The following DET1 variants were observed in gnomAD, a reference collection of about 807,000 sequenced individuals.
DET1 encodes the protein DET1 partner of COP1 E3 ubiquitin ligase, also known as DET1 homolog.
Under a neutral mutation model 43.7 loss-of-function variants are expected in DET1, and 22 were observed. The ratio of observed to expected loss-of-function variants is 0.50; its 90% CI spans 0.36 to 0.72. The LOEUF is 0.72. Ranked by LOEUF, DET1 falls within the 30% of genes least tolerant of loss-of-function variation. The pLI, the probability that DET1 is intolerant of heterozygous loss-of-function variation, is 0.00. For missense variants in DET1, 713 were observed against 713.3 expected (o/e 1.00, Z 0.00); for synonymous variants, 315 against 266.2 (o/e 1.18, Z -1.79).
intron 3 of DET1, among the ~76,000 whole-genome samples, chr15:88,520,712 C>T (rs1353040605): frequency 6.6e-6 from 1 of 152,206 alleles, no homozygotes. Flanking sequence ...AATATAATTA[C>T]TTACTATTCC....
intron 1 of DET1, among the ~76,000 whole-genome samples, chr15:88,537,951 CT>C (rs2056995876): frequency 6.6e-6 from 1 of 152,194 alleles, no homozygotes; most frequent in East Asian, 1.9e-4. Flanking sequence ...TGTATTTACA[CT>C]TTCACTTGCA....
chr15:88,510,076 C>T (rs1157054576), downstream of DET1, among the ~76,000 whole-genome samples: 1 of 152,180 alleles, frequency 6.6e-6, no homozygotes, highest in Non-Finnish European at 1.5e-5. Flanking sequence ...TATCCTTATC[C>T]TAACCTGAGT....
rs1037133559 is a variant in DET1 at position 88,513,034 on chromosome 15, G to A, written c.1570C>T (p.Pro524Ser). The change falls in exon 5 of 5, where the codon CCT (proline) becomes TCT (serine). Residue 524 changes from proline (P) to serine (S), a missense_variant. By Grantham distance (74) the Pro-to-Ser change is moderately conservative (BLOSUM62 -1). Coordinates refer to ENST00000268148, the MANE Select transcript of DET1 (RefSeq NM_001144074.3). ...VRRLVAFTFH[P>S]FEPFAISVQR... is the part of the protein sequence containing the mutation. ...ACAGAAATAGCGAAAGGCTCAAAAG[G>A]GTGAAAGGTGAAGGCAACAAGGCGT... 1.2e-6 allele frequency: 2 copies of A among 1,614,054 alleles called. No individual in the cohort carries two copies. The highest frequency in any genetic ancestry group is 1.7e-6 in the Non-Finnish European group (2 of 1,179,898).
chr15:88,522,906 G>C (rs569739453), intron 3 of DET1, among the ~76,000 whole-genome samples: 1 of 148,098 alleles, frequency 6.8e-6, no homozygotes, highest in Non-Finnish European at 1.5e-5. Flanking sequence ...TTTTGAGATA[G>C]GGTCTTACTT....
chr15:88,531,447 A>T lies in DET1; in HGVS notation c.259T>A (p.Tyr87Asn), dbSNP rs1421652035. The change falls in exon 2 of 5, where the codon TAC (tyrosine) becomes AAC (asparagine). Residue 87 changes from tyrosine (Y) to asparagine (N), a missense_variant. Tyr to Asn is a moderately radical substitution (Grantham distance 143). Transcript: ENST00000268148. The surrounding 1 kb of genome is among the most constrained non-coding windows in gnomAD (Gnocchi z 6.2). ...TCCTCTGCTGCCTGGCAGCCCTGGT[A>T]CTCATAGATTTCAAGAGATGTCTGG... ...SDQTSLEIYE[Y>N]QGCQAAEDLL... 2 of 1,613,950 alleles carry T rather than the reference A, an allele frequency of 1.2e-6. No homozygotes were observed. Among genetic ancestry groups the T allele is most frequent in the Non-Finnish European group, 1.7e-6 (2 of 1,179,882 alleles).
Position 88,536,438 on chromosome 15 carries a change from C to G in DET1, c.-10-4723G>C, listed in dbSNP as rs997788638. ...TATGTTAAAATAATTAATGGAGCAACAATTGGTATGAGCCTTGAAGAATAA... is the reference window on the plus strand; with the variant it reads ...TATGTTAAAATAATTAATGGAGCAAGAATTGGTATGAGCCTTGAAGAATAA... On this transcript the variant is annotated intron_variant, in intron 1 of 4. Coordinates refer to ENST00000268148, the MANE Select transcript of DET1 (RefSeq NM_001144074.3). 8.3e-5 allele frequency: 57 copies of G among 684,644 alleles called. No individual in the cohort carries two copies. The Admixed American group carries it at 1.3e-3, about 15-fold the overall frequency. The allele number at this position is 684,644 out of a possible 1,614,324, so 42.4% of individuals were successfully genotyped here. A position where few individuals can be genotyped will look rare whatever the true frequency, so the allele number is the denominator to read the frequency against.
chr15:88,507,610 T>C (rs2056155111), downstream of DET1, among the ~76,000 whole-genome samples: 1 of 152,216 alleles, frequency 6.6e-6, no homozygotes, highest in Non-Finnish European at 1.5e-5. Context: ...ATGTCATGTG[T>C]CTTAATTCAG....
chr15:88,527,926 A>C, intron 2 of DET1, 140 bp from the exon 3 acceptor site: 2 of 507,336 alleles, frequency 3.9e-6, no homozygotes, highest in Non-Finnish European at 6.4e-6. Flanking sequence ...ACAACAAGCA[A>C]ACACCTCGGC....
At chr15:88,537,774 G>A (rs930232213) in intron 1 of DET1, among the ~76,000 whole-genome samples, 2 of 152,184 alleles carry the variant, frequency 1.3e-5, no homozygotes, top group Admixed American at 1.3e-4. Flanking sequence ...GGCATCCACA[G>A]GGACTATTCC....
At chr15:88,539,447 CTA>C (rs1491317722) in intron 1 of DET1, among the ~76,000 whole-genome samples, 5 of 56,142 alleles carry the variant, frequency 8.9e-5, no homozygotes, top group Admixed American at 7.5e-4. Context: ...CCTTGTCTGT[CTA>C]AAAAAAAAAA....
At chr15:88,522,975 A>G (rs557535154) in intron 3 of DET1, among the ~76,000 whole-genome samples, 2 of 150,192 alleles carry the variant, frequency 1.3e-5, no homozygotes, top group East Asian at 2.0e-4. Context: ...TCCGCCTTCC[A>G]GGCTCAAGCA....
chr15:88,525,007 T>A (rs1484707233), intron 3 of DET1, among the ~76,000 whole-genome samples: 1 of 152,156 alleles, frequency 6.6e-6, no homozygotes, highest in East Asian at 1.9e-4. Context: ...TGTAGCAAAG[T>A]ATGATTAGTG....
chr15:88,542,262 G>A (rs2057129406), intron 1 of DET1, among the ~76,000 whole-genome samples: 2 of 152,056 alleles, frequency 1.3e-5, no homozygotes, highest in South Asian at 4.1e-4. Flanking sequence ...GAGACCTCCT[G>A]GAGGAGGTCA....
rs138776138 is a variant in DET1, at chr15:88,543,536, C to A, written c.-11+3004G>T. Among the ~76,000 whole-genome samples, 346 of 152,306 alleles carry A rather than the reference C, an allele frequency of 2.3e-3. 2 individuals carry two copies. Among genetic ancestry groups the A allele is most frequent in the African/African-American group, 8.0e-3 (334 of 41,560 alleles). On this transcript the variant is annotated intron_variant, in intron 1 of 4. Coordinates refer to ENST00000268148, the MANE Select transcript of DET1 (RefSeq NM_001144074.3). ...GGCCGACCTGATCTTCAAGATGTGG[C>A]CCTAGAGAAGGCGGACGCCGCTGTG...
intron 1 of DET1, among the ~76,000 whole-genome samples, chr15:88,532,586 G>T (rs1003774054): frequency 6.6e-6 from 1 of 152,110 alleles, no homozygotes; most frequent in Admixed American, 6.6e-5. Flanking sequence ...AAAAATTGTG[G>T]TACTGGATAA....
intron 1 of DET1, among the ~76,000 whole-genome samples, chr15:88,538,181 T>G (rs1260051253): frequency 6.6e-6 from 1 of 152,022 alleles, no homozygotes; most frequent in Admixed American, 6.6e-5. Context: ...AGACTCTCCC[T>G]TAGCTAAGAG....
chr15:88,531,725 A>T lies in DET1; in HGVS notation c.-10-10T>A. 1.3e-6 allele frequency: 2 copies of T among 1,585,780 alleles called. No homozygotes were observed. Among genetic ancestry groups the T allele is most frequent in the Non-Finnish European group, 1.7e-6 (2 of 1,163,334 alleles). On this transcript the variant is annotated splice_polypyrimidine_tract_variant and intron_variant, in intron 1 of 4. Coordinates refer to ENST00000268148, the MANE Select transcript of DET1 (RefSeq NM_001144074.3). This position sits in a 1 kb window ranked among gnomAD's most constrained non-coding sequence, Gnocchi z 6.2. ...ATCCATTATCACATCTCTAAACAGA[A>T]AAGTAAAGCAGAAGTCAAGAAAGTG...
At chr15:88,541,650 G>C (rs932574352) in intron 1 of DET1, among the ~76,000 whole-genome samples, 1 of 152,180 alleles carries the variant, frequency 6.6e-6, no homozygotes, top group Non-Finnish European at 1.5e-5. Context: ...AATTGTTCAA[G>C]CCGTGTGGCG....
At chr15:88,542,685 G>A (rs11073788) in intron 1 of DET1, among the ~76,000 whole-genome samples, 14,584 of 152,126 alleles carry the variant, frequency 0.096, 1,305 homozygotes, top group East Asian at 0.52. Context: ...TGAAAAGGCC[G>A]CTGATAAAGC....
Sources: gnomAD v4.1 joint callset for allele counts (sites outside exome capture counted in the v4.1 genomes callset) on GRCh38, gnomAD v4.1.1 for gene constraint, Gnocchi (gnomAD v3.1) non-coding constraint, MANE v1.5 for transcripts, NCBI Gene and HGNC (gene_info 2026-07-23, HGNC 2026-07-21) for gene names.